Variants in RALYL observed in about 807,000 individuals in gnomAD.
RALYL encodes the protein RNA-binding Raly-like protein.
Under a neutral mutation model 35.1 loss-of-function variants are expected in RALYL, and 29 were observed. The ratio of observed to expected loss-of-function variants is 0.83; its 90% CI spans 0.61 to 1.13. The LOEUF (loss-of-function observed/expected upper bound fraction) is 1.13. RALYL is among the 50% of genes most tolerant of loss of function. The pLI is 0.00. For missense variants in RALYL, 359 were observed against 360.4 expected (o/e 1.00, Z 0.03); for synonymous variants, 120 against 127.6 (o/e 0.94, Z 0.40).
intron 2 of RALYL, among the ~76,000 whole-genome samples, chr8:84,686,230 T>G (rs549449830): frequency 1.9e-3 from 285 of 150,970 alleles, no homozygotes; most frequent in Non-Finnish European, 3.5e-3. Flanking sequence ...ATCACAAAAG[T>G]GGTGAAGTAA....
At chr8:84,611,453 T>C (rs188993118) in intron 2 of RALYL, among the ~76,000 whole-genome samples, 123 of 152,212 alleles carry the variant, frequency 8.1e-4, no homozygotes, top group African/African-American at 2.9e-3. Context: ...GCCACTCTAT[T>C]CACAGCTCTG....
At chr8:84,606,670 A>G (rs1817214008) in intron 2 of RALYL, among the ~76,000 whole-genome samples, 1 of 152,104 alleles carries the variant, frequency 6.6e-6, no homozygotes, top group Non-Finnish European at 1.5e-5. Flanking sequence ...TGTGCTTCTA[A>G]GTGTCTATCC....
At chr8:84,209,541 A>G (rs529444481) in intron 1 of RALYL, among the ~76,000 whole-genome samples, 22 of 152,310 alleles carry the variant, frequency 1.4e-4, no homozygotes, top group African/African-American at 5.1e-4. Context: ...AATATTTTCA[A>G]TAAATGATGG....
chr8:84,854,646 G>A (rs921438103), intron 5 of RALYL, among the ~76,000 whole-genome samples: 7 of 152,220 alleles, frequency 4.6e-5, no homozygotes, highest in African/African-American at 7.2e-5. Context: ...CACTACTTAC[G>A]TATAACAGGG....
chr8:84,494,975 C>T (rs1257137951), intron 1 of RALYL, among the ~76,000 whole-genome samples: 1 of 152,110 alleles, frequency 6.6e-6, no homozygotes, highest in East Asian at 1.9e-4. Flanking sequence ...TGTCTTGTAC[C>T]GGTTTTCAAA....
chr8:84,568,330 G>A lies in RALYL; in HGVS notation c.256+38753G>A, dbSNP rs1270077664. Reference sequence around the variant, plus strand: ...TTTTTTGTCCTTGCGATACTTTGCTGAGAATGATGGTTTCCAGTTTCATCC... The same window carrying A: ...TTTTTTGTCCTTGCGATACTTTGCTAAGAATGATGGTTTCCAGTTTCATCC... On this transcript the variant is annotated intron_variant, in intron 2 of 8. Coordinates refer to ENST00000521268, the MANE Select transcript of RALYL (RefSeq NM_173848.7). 2.6e-5 allele frequency among the ~76,000 whole-genome samples: 4 copies of A among 151,446 alleles called. No individual in the cohort carries two copies. The East Asian group carries it at 7.8e-4, about 30-fold the overall frequency.
chr8:84,617,392 TTGTC>T (rs1486215151), intron 2 of RALYL, among the ~76,000 whole-genome samples: 1 of 149,264 alleles, frequency 6.7e-6, no homozygotes, highest in Admixed American at 6.6e-5. Context: ...GGCTCTCTGT[TTGTC>T]TGTTGTTGGT....
At chr8:84,827,474 A>G (rs1829962928) in intron 4 of RALYL, among the ~76,000 whole-genome samples, 1 of 152,176 alleles carries the variant, frequency 6.6e-6, no homozygotes, top group Non-Finnish European at 1.5e-5. Flanking sequence ...GAATGCCTTT[A>G]AATGTCTTTT....
At chr8:84,848,397 GCA>G (rs1835095406) in intron 4 of RALYL, among the ~76,000 whole-genome samples, 1 of 149,992 alleles carries the variant, frequency 6.7e-6, no homozygotes, top group African/African-American at 2.4e-5. Flanking sequence ...GTGTGTGTGT[GCA>G]TATATATATG....
intron 1 of RALYL, among the ~76,000 whole-genome samples, chr8:84,346,665 C>T (rs1009171140): frequency 1.4e-4 from 22 of 151,926 alleles, no homozygotes; most frequent in African/African-American, 4.1e-4. Context: ...GACAGGGTTT[C>T]GCCATGTTGG....
chr8:84,708,459 G>T (rs4740031), intron 2 of RALYL, among the ~76,000 whole-genome samples: 55,450 of 151,914 alleles, frequency 0.37, 12,450 homozygotes, highest in South Asian at 0.57. Flanking sequence ...GTGCAAAACT[G>T]CATTAAATAC....
intron 1 of RALYL, among the ~76,000 whole-genome samples, chr8:84,384,590 C>G (rs1858766709): frequency 6.6e-6 from 1 of 151,692 alleles, no homozygotes; most frequent in Admixed American, 6.6e-5. Flanking sequence ...CTTCCTTTCT[C>G]CCATATTACA....
intron 1 of RALYL, among the ~76,000 whole-genome samples, chr8:84,523,332 C>A (rs941222249): frequency 7.9e-5 from 12 of 151,664 alleles, no homozygotes; most frequent in African/African-American, 2.9e-4. Flanking sequence ...GAGACTTATT[C>A]ATGAGAACAG....
intron 1 of RALYL, among the ~76,000 whole-genome samples, chr8:84,236,983 A>G (rs910429885): frequency 2.0e-5 from 3 of 152,204 alleles, no homozygotes; most frequent in African/African-American, 7.2e-5. Context: ...TGAACCATCT[A>G]GGTTCCTGTA....
chr8:84,770,464 G>A (rs991903586), intron 2 of RALYL, among the ~76,000 whole-genome samples: 6 of 131,322 alleles, frequency 4.6e-5, no homozygotes, highest in African/African-American at 1.4e-4. Context: ...GGGCCTTTGG[G>A]CTCGTTCCAT....
chr8:84,528,645 A>C (rs1037818210), intron 1 of RALYL, among the ~76,000 whole-genome samples: 3 of 152,126 alleles, frequency 2.0e-5, no homozygotes, highest in Admixed American at 2.0e-4. Flanking sequence ...TTGTGTTTTT[A>C]TGAAGCTGAC....
intron 1 of RALYL, among the ~76,000 whole-genome samples, chr8:84,197,245 G>A (rs1815536990): frequency 6.6e-6 from 1 of 152,054 alleles, no homozygotes; most frequent in Non-Finnish European, 1.5e-5. Context: ...GTCCATAAAT[G>A]TGGAAAATCA....
intron 5 of RALYL, among the ~76,000 whole-genome samples, chr8:84,857,251 G>T (rs1049620697): frequency 1.3e-5 from 2 of 152,084 alleles, no homozygotes; most frequent in Non-Finnish European, 2.9e-5. Flanking sequence ...GAAAGGTGCT[G>T]GTGAGAATAT....
chr8:84,712,988 GC>G (rs1441441664), intron 2 of RALYL, among the ~76,000 whole-genome samples: 3 of 151,884 alleles, frequency 2.0e-5, no homozygotes, highest in African/African-American at 7.3e-5. Context: ...ATCTGTTTTT[GC>G]TTGTATTACC....
Sources: gnomAD v4.1 joint callset for allele counts (sites outside exome capture counted in the v4.1 genomes callset) on GRCh38, gnomAD v4.1.1 for gene constraint, MANE v1.5 for transcripts, NCBI Gene and HGNC (gene_info 2026-07-23, HGNC 2026-07-21) for gene names.